The following SDK2 variants were observed in gnomAD, a reference collection of about 807,000 sequenced individuals.
The protein encoded by SDK2 is protein sidekick-2.
Under a neutral mutation model 253.9 loss-of-function variants are expected in SDK2, and 105 were observed. The ratio of observed to expected loss-of-function variants is 0.41; its 90% CI spans 0.35 to 0.49. The LOEUF is 0.49. Ranked by LOEUF, SDK2 falls within the 20% of genes least tolerant of loss-of-function variation. The probability of loss-of-function intolerance (pLI) is 0.06; values close to 1 mark genes in which losing one functional copy is unlikely to be tolerated. For synonymous variants in SDK2, 1,249 were observed against 1,234.9 expected (o/e 1.01, Z -0.24); for missense variants, 2,608 against 3,003.0 (o/e 0.87, Z 3.07).
chr17:73,505,063 T>G (rs938841786), intron 2 of SDK2, among the ~76,000 whole-genome samples: 4 of 152,232 alleles, frequency 2.6e-5, no homozygotes, highest in African/African-American at 9.6e-5. Context: ...CTCATCTATT[T>G]CCCTTGAATA....
intron 38 of SDK2, among the ~76,000 whole-genome samples, chr17:73,364,998 C>T (rs1387773184): frequency 6.6e-6 from 1 of 152,114 alleles, no homozygotes; most frequent in Non-Finnish European, 1.5e-5. Flanking sequence ...TTCCGTTGAC[C>T]AAAGGGGGAA....
chr17:73,563,025 G>T (rs2145854507), intron 1 of SDK2, among the ~76,000 whole-genome samples: 1 of 152,296 alleles, frequency 6.6e-6, no homozygotes, highest in Non-Finnish European at 1.5e-5. Context: ...GCAGGGGAGG[G>T]GAAGGACAGC....
chr17:73,437,083 G>A (rs2063375697), intron 8 of SDK2, among the ~76,000 whole-genome samples: 1 of 152,160 alleles, frequency 6.6e-6, no homozygotes, highest in African/African-American at 2.4e-5. Context: ...CCCTTGTGGA[G>A]TCTCAGAAGG....
chr17:73,419,024 G>T, intron 16 of SDK2, 142 bp downstream of exon 16: 1 of 883,894 alleles, frequency 1.1e-6, no homozygotes, highest in Non-Finnish European at 1.7e-6. Context: ...TCCTACCACT[G>T]AGTAGGCATT....
chr17:73,522,311 A>G (rs951903611), intron 1 of SDK2, among the ~76,000 whole-genome samples: 2 of 152,172 alleles, frequency 1.3e-5, no homozygotes, highest in African/African-American at 4.8e-5. Context: ...TCTGCTGCCC[A>G]CCTCATCCTG....
rs558809669 is a variant in SDK2, at chr17:73,344,271, G to A, written c.6165+4328C>T. Among the ~76,000 whole-genome samples the A allele has an allele frequency of 3.9e-5, 6 of 152,158 alleles. No individual in the cohort carries two copies. In the East Asian group the frequency reaches 1.2e-3, roughly 29 times the overall value. On this transcript the variant is annotated intron_variant, in intron 44 of 44. Coordinates refer to ENST00000392650, the MANE Select transcript of SDK2 (RefSeq NM_001144952.2). ...ATATGTGCCACCTGTGCCCTTATAGGTAAAGTGACAGCCAATGTGTACCCC... is the reference window on the plus strand; with the variant it reads ...ATATGTGCCACCTGTGCCCTTATAGATAAAGTGACAGCCAATGTGTACCCC...
intron 1 of SDK2, among the ~76,000 whole-genome samples, chr17:73,509,503 A>T (rs2063961298): frequency 6.6e-6 from 1 of 151,986 alleles, no homozygotes; most frequent in South Asian, 2.1e-4. Context: ...AAATGGAACA[A>T]ACCAGGCTGG....
At chr17:73,419,988 T>C (rs1174056906) in intron 15 of SDK2, among the ~76,000 whole-genome samples, 4 of 152,112 alleles carry the variant, frequency 2.6e-5, no homozygotes, top group Non-Finnish European at 5.9e-5. Context: ...AGGTCATGAG[T>C]GTCCAAGTGT....
intron 43 of SDK2, 123 bp downstream of exon 43, chr17:73,350,114 A>C (rs1251846684): frequency 3.2e-6 from 2 of 623,306 alleles, no homozygotes; most frequent in African/African-American, 2.0e-5. Flanking sequence ...CTGGGGCTTG[A>C]ATGGTGTTTC....
Position 73,437,832 on chromosome 17 carries a change from G to C in SDK2, c.917-10C>G. The C allele has an allele frequency of 1.2e-6, 2 of 1,613,842 alleles. No homozygotes were observed. Among genetic ancestry groups the C allele is most frequent in the Admixed American group, 1.7e-5 (1 of 60,032 alleles). ...ACAAACTGAGGCGGTTCTGCAGGAG[G>C]AAGGACCAGGGGAGGGGGTCAGAGC... On this transcript the variant is annotated splice_polypyrimidine_tract_variant and intron_variant, in intron 7 of 44. Transcript: ENST00000392650.
chr17:73,552,875 C>G, intron 1 of SDK2, among the ~76,000 whole-genome samples: 1 of 152,268 alleles, frequency 6.6e-6, no homozygotes, highest in African/African-American at 2.4e-5. Context: ...GTTCTCAACT[C>G]GAGAGCCCTT....
At chr17:73,364,631 T>C (rs1686213956) in intron 38 of SDK2, among the ~76,000 whole-genome samples, 1 of 152,168 alleles carries the variant, frequency 6.6e-6, no homozygotes, top group African/African-American at 2.4e-5. Flanking sequence ...TCTTTTCTTT[T>C]TTCCTTTTGA....
chr17:73,591,931 G>C (rs925756879), intron 1 of SDK2, among the ~76,000 whole-genome samples: 1 of 152,236 alleles, frequency 6.6e-6, no homozygotes, highest in South Asian at 2.1e-4. Context: ...GCGGAGACTC[G>C]AGGAGAGATA....
intron 1 of SDK2, among the ~76,000 whole-genome samples, chr17:73,521,590 G>A (rs1239772212): frequency 1.3e-5 from 2 of 152,174 alleles, no homozygotes; most frequent in African/African-American, 2.4e-5. Flanking sequence ...TCTCCCATGT[G>A]TGGGCTCAGG....
At chr17:73,448,611 G>T (rs143322176) in intron 4 of SDK2, among the ~76,000 whole-genome samples, 1 of 151,446 alleles carries the variant, frequency 6.6e-6, no homozygotes, top group Admixed American at 6.6e-5. Flanking sequence ...TGATCTGCCC[G>T]CCTTGGCCTC....
chr17:73,596,370 C>T (rs936767830), intron 1 of SDK2, among the ~76,000 whole-genome samples: 5 of 152,202 alleles, frequency 3.3e-5, no homozygotes, highest in African/African-American at 1.2e-4. Context: ...TGGAGAGGGG[C>T]ATGACACGGT....
At chr17:73,452,940 C>T (rs886704851) in intron 4 of SDK2, among the ~76,000 whole-genome samples, 1 of 152,162 alleles carries the variant, frequency 6.6e-6, no homozygotes, top group Non-Finnish European at 1.5e-5. Flanking sequence ...TGCTAAGAAC[C>T]ATTCTCTGCT....
rs1387697363 is a variant in SDK2 at position 73,639,927 on chromosome 17, C to T, written c.64+4098G>A. ...CAGACGACGGTCCTAGATGACTTTT[C>T]GTGTGTCTTTCAAGTCAAATGCAAT... On this transcript the variant is annotated intron_variant, in intron 1 of 44. Coordinates refer to ENST00000392650, the MANE Select transcript of SDK2 (RefSeq NM_001144952.2). The surrounding 1 kb of genome is among the most constrained non-coding windows in gnomAD (Gnocchi z 4.3). 1.3e-5 allele frequency among the ~76,000 whole-genome samples: 2 copies of T among 152,124 alleles called. No individual in the cohort carries two copies. The highest frequency in any genetic ancestry group is 4.8e-5 in the African/African-American group (2 of 41,424).
intron 5 of SDK2, among the ~76,000 whole-genome samples, chr17:73,444,239 A>G (rs955456493): frequency 1.3e-5 from 2 of 152,194 alleles, no homozygotes; most frequent in Non-Finnish European, 2.9e-5. Flanking sequence ...CCTGCAGGGT[A>G]CCGGGCAAGG....
Sources: gnomAD v4.1 joint callset for allele counts (sites outside exome capture counted in the v4.1 genomes callset) on GRCh38, gnomAD v4.1.1 for gene constraint, Gnocchi (gnomAD v3.1) non-coding constraint, MANE v1.5 for transcripts, NCBI Gene and HGNC (gene_info 2026-07-23, HGNC 2026-07-21) for gene names.